The following MACROD2 variants were observed in gnomAD, a reference collection of about 807,000 sequenced individuals.
MACROD2 encodes ADP-ribose glycohydrolase MACROD2.
In MACROD2, 36 loss-of-function variants were observed where a neutral mutation model predicts 70.4. That is an observed-to-expected ratio of 0.51 (90% CI 0.39 to 0.68). The LOEUF is 0.68. Among genes scored for constraint, MACROD2 ranks in the 30% least tolerant of loss-of-function variants. The pLI, the probability that MACROD2 is intolerant of heterozygous loss-of-function variation, is 0.00. For missense variants in MACROD2, 496 were observed against 538.4 expected (o/e 0.92, Z 0.78); for synonymous variants, 172 against 178.8 (o/e 0.96, Z 0.30).
intron 5 of MACROD2, among the ~76,000 whole-genome samples, chr20:15,175,789 A>G (rs2076456525): frequency 6.6e-6 from 1 of 152,226 alleles, no homozygotes; most frequent in Admixed American, 6.5e-5. Context: ...TGCAATGGCT[A>G]GGTGCAACCA....
Position 15,993,375 on chromosome 20 carries a change from T to C in MACROD2, c.1153+6217T>C, listed in dbSNP as rs1601290479. On this transcript the variant is annotated intron_variant, in intron 15 of 17. Transcript: ENST00000684519. Reference sequence around the variant, plus strand: ...GATGCTACATTTTTACTGTACCTTTTCTATGTTTAGTTATGTTTTGACATA... The same window carrying C: ...GATGCTACATTTTTACTGTACCTTTCCTATGTTTAGTTATGTTTTGACATA... 3.3e-5 allele frequency among the ~76,000 whole-genome samples: 5 copies of C among 152,184 alleles called. No homozygotes were observed. The South Asian group carries it at 1.0e-3, about 32-fold the overall frequency.
chr20:15,166,703 G>C (rs964183655), intron 5 of MACROD2, among the ~76,000 whole-genome samples: 1 of 151,610 alleles, frequency 6.6e-6, no homozygotes, highest in Non-Finnish European at 1.5e-5. Flanking sequence ...ACTAGATTAA[G>C]GGTATTTATT....
chr20:14,730,609 A>G (rs1312006701), intron 5 of MACROD2, among the ~76,000 whole-genome samples: 1 of 152,216 alleles, frequency 6.6e-6, no homozygotes, highest in Non-Finnish European at 1.5e-5. Context: ...AGACCCTTCC[A>G]GAAGGAATTT....
intron 6 of MACROD2, among the ~76,000 whole-genome samples, chr20:15,296,028 T>C (rs560110244): frequency 6.6e-6 from 1 of 152,322 alleles, no homozygotes; most frequent in African/African-American, 2.4e-5. Flanking sequence ...TCAGCTCCTC[T>C]CTTGATGATC....
chr20:14,375,107 GA>G (rs1430687017), intron 3 of MACROD2, among the ~76,000 whole-genome samples: 1 of 151,702 alleles, frequency 6.6e-6, no homozygotes, highest in African/African-American at 2.4e-5. Context: ...AATGGAAGGA[GA>G]AAAAAGAAAC....
chr20:14,981,432 G>GTA (rs747438726), intron 5 of MACROD2, among the ~76,000 whole-genome samples: 3,702 of 141,202 alleles, frequency 0.026, 48 homozygotes, highest in Non-Finnish European at 0.031. Context: ...ATATGTATAT[G>GTA]TATATATATA....
intron 15 of MACROD2, among the ~76,000 whole-genome samples, chr20:16,009,650 G>A (rs923261493): frequency 2.0e-5 from 3 of 152,032 alleles, no homozygotes; most frequent in African/African-American, 4.8e-5. Context: ...CCAGCTACTC[G>A]AGAGGCTGAG....
intron 16 of MACROD2, among the ~76,000 whole-genome samples, chr20:16,042,253 G>A (rs943124368): frequency 2.6e-5 from 4 of 151,966 alleles, no homozygotes; most frequent in Admixed American, 1.3e-4. Flanking sequence ...TGCATTGCCT[G>A]TGAGAACAAT....
chr20:15,924,349 C>G (rs2065456913), intron 10 of MACROD2, among the ~76,000 whole-genome samples: 1 of 152,224 alleles, frequency 6.6e-6, no homozygotes, highest in Admixed American at 6.5e-5. Context: ...GTGAGTTGCC[C>G]CAGACAGACA....
At chr20:15,584,068 C>G (rs1167400402) in intron 8 of MACROD2, among the ~76,000 whole-genome samples, 5 of 151,930 alleles carry the variant, frequency 3.3e-5, no homozygotes, top group South Asian at 2.1e-4. Flanking sequence ...GGGTATTACC[C>G]TAAAGAGTCT....
At chr20:14,170,298 A>T (rs1193352168) in intron 3 of MACROD2, among the ~76,000 whole-genome samples, 2 of 152,208 alleles carry the variant, frequency 1.3e-5, no homozygotes, top group East Asian at 3.9e-4. Flanking sequence ...AAACAGCGAC[A>T]GTTTGACTAA....
intron 8 of MACROD2, among the ~76,000 whole-genome samples, chr20:15,815,103 G>T (rs2063859619): frequency 6.6e-6 from 1 of 152,142 alleles, no homozygotes; most frequent in South Asian, 2.1e-4. Context: ...CAGTCACTCT[G>T]GATGCCTCAT....
chr20:14,259,551 A>C (rs1215528603), intron 3 of MACROD2, among the ~76,000 whole-genome samples: 2 of 152,200 alleles, frequency 1.3e-5, no homozygotes, highest in Admixed American at 1.3e-4. Context: ...AAACAAAAAA[A>C]CAGAAAGATG....
Position 15,299,174 on chromosome 20 carries a change from T to A in MACROD2, c.540+69113T>A, listed in dbSNP as rs563649157. 1.7e-4 allele frequency among the ~76,000 whole-genome samples: 26 copies of A among 152,156 alleles called. No homozygotes were observed. The East Asian group carries it at 4.6e-3, about 27-fold the overall frequency. The stretch of plus-strand genomic sequence containing the variant: ...AAAAGGCAGGTAAATAATGTGTGGG[T>A]GTGTGTGTGTAAACTAGTAAATTTC... On this transcript the variant is annotated intron_variant, in intron 6 of 17. Transcript: ENST00000684519.
chr20:15,607,429 T>C (rs573730058), intron 8 of MACROD2, among the ~76,000 whole-genome samples: 1 of 152,392 alleles, frequency 6.6e-6, no homozygotes, highest in African/African-American at 2.4e-5. Context: ...TTTTCAGCCA[T>C]TGGCCATTTC....
intron 2 of MACROD2, among the ~76,000 whole-genome samples, chr20:14,060,989 A>G (rs543991720): frequency 6.6e-6 from 1 of 152,284 alleles, no homozygotes; most frequent in Non-Finnish European, 1.5e-5. Context: ...ATCCTTATAC[A>G]CTAAACAAAA....
At chr20:15,277,711 T>C (rs1309138349) in intron 6 of MACROD2, among the ~76,000 whole-genome samples, 3 of 152,176 alleles carry the variant, frequency 2.0e-5, no homozygotes, top group Non-Finnish European at 2.9e-5. Context: ...TATGATTGAA[T>C]ACAGCTTATA....
intron 8 of MACROD2, among the ~76,000 whole-genome samples, chr20:15,562,723 G>A (rs1233744): frequency 0.34 from 52,231 of 152,094 alleles, 12,226 homozygotes; most frequent in African/African-American, 0.67. Context: ...CCAGAGTAAG[G>A]CTGAAGTCCA....
At chr20:14,567,523 C>T (rs1397448193) in intron 4 of MACROD2, among the ~76,000 whole-genome samples, 1 of 152,014 alleles carries the variant, frequency 6.6e-6, no homozygotes, top group East Asian at 1.9e-4. Flanking sequence ...ACTCTTCAGC[C>T]AGAACATGCT....
Sources: allele counts gnomAD v4.1 joint callset (sites outside exome capture counted in the v4.1 genomes callset), GRCh38; gene constraint gnomAD v4.1.1; transcripts MANE v1.5; gene names NCBI Gene and HGNC (gene_info 2026-07-23, HGNC 2026-07-21).